Variants in HSPA12A observed in about 807,000 individuals in gnomAD.
HSPA12A encodes heat shock 70 kDa protein 12A.
In HSPA12A, 28 loss-of-function variants were observed where a neutral mutation model predicts 69.2. The ratio of observed to expected loss-of-function variants is 0.40; its 90% CI spans 0.30 to 0.55. The LOEUF is 0.55. Among genes scored for constraint, HSPA12A ranks in the 20% least tolerant of loss-of-function variants. The pLI, the probability that HSPA12A is intolerant of heterozygous loss-of-function variation, is 0.38. For missense variants in HSPA12A, 686 were observed against 900.7 expected (o/e 0.76, Z 3.05); for synonymous variants, 345 against 370.5 (o/e 0.93, Z 0.79).
intron 2 of HSPA12A, among the ~76,000 whole-genome samples, chr10:116,804,364 C>A (rs1845024634): frequency 6.6e-6 from 1 of 152,034 alleles, no homozygotes. Context: ...CACCAGGCTC[C>A]CCGATTTGAG....
upstream of HSPA12A, among the ~76,000 whole-genome samples, chr10:116,745,299 C>T (rs1211250795): frequency 6.6e-6 from 1 of 152,234 alleles, no homozygotes; most frequent in Non-Finnish European, 1.5e-5. Context: ...AGCACACAGA[C>T]ATTCTGCTGA....
At chr10:116,849,541 C>A (rs796658992) in intron 1 of HSPA12A, 2 of 1,495,570 alleles carry the variant, frequency 1.3e-6, no homozygotes, top group Admixed American at 4.5e-5. Context: ...CAGGCTAAAC[C>A]CCGCTGTAGC....
upstream of HSPA12A, chr10:116,849,744 G>C (rs766536006): frequency 6.7e-7 from 1 of 1,497,464 alleles, no homozygotes; most frequent in Non-Finnish European, 8.9e-7. Flanking sequence ...AGGGACCTGG[G>C]ACAAGCGCTC....
chr10:116,847,870 A>G (rs1845922206), intron 1 of HSPA12A, among the ~76,000 whole-genome samples: 1 of 152,188 alleles, frequency 6.6e-6, no homozygotes. Flanking sequence ...AAATGAATCA[A>G]GACATCCCTG....
At chr10:116,756,631 G>A (rs899430659) in intron 2 of HSPA12A, among the ~76,000 whole-genome samples, 1 of 152,222 alleles carries the variant, frequency 6.6e-6, no homozygotes, top group Non-Finnish European at 1.5e-5. Flanking sequence ...TCTGAATCTT[G>A]TGCTCCTTTG....
rs1313231861 is a variant in HSPA12A, at chr10:116,723,916, C to T, written c.41-16631G>A. Among the ~76,000 whole-genome samples the T allele has an allele frequency of 2.0e-5, 3 of 152,230 alleles. No homozygotes were observed. The highest frequency in any genetic ancestry group is 4.4e-5 in the Non-Finnish European group (3 of 68,044). On this transcript the variant is annotated intron_variant, in intron 1 of 11. Coordinates refer to ENST00000369209, the MANE Select transcript of HSPA12A (RefSeq NM_025015.3). This position sits in a 1 kb window ranked among gnomAD's most constrained non-coding sequence, Gnocchi z 4.1. ...CTGACCATACCCCAGTAGCTGAGGC[C>T]AGCGGGTCACCTGTACCCAGGCATA... is the stretch of plus-strand genomic sequence containing the variant.
chr10:116,788,985 G>C (rs1270349436), intron 2 of HSPA12A, among the ~76,000 whole-genome samples: 3 of 151,598 alleles, frequency 2.0e-5, no homozygotes, highest in Non-Finnish European at 4.4e-5. Context: ...CCCTGCCTCG[G>C]CCTCCTAGTA....
At chr10:116,825,236 G>A (rs530307808) in intron 2 of HSPA12A, among the ~76,000 whole-genome samples, 16 of 151,436 alleles carry the variant, frequency 1.1e-4, no homozygotes, top group Admixed American at 2.0e-4. Context: ...GTGGCCGGGC[G>A]TGGTGGCTTA....
intron 2 of HSPA12A, chr10:116,827,363 C>T (rs1052024409): frequency 2.0e-5 from 3 of 152,290 alleles, no homozygotes; most frequent in Non-Finnish European, 4.4e-5. Context: ...ATGGAGTTGT[C>T]CAGAGAGCTC....
chr10:116,835,651 A>C (rs1223646909), intron 1 of HSPA12A, among the ~76,000 whole-genome samples: 1 of 152,252 alleles, frequency 6.6e-6, no homozygotes, highest in Non-Finnish European at 1.5e-5. Flanking sequence ...GGGGAAAAGC[A>C]TATCTTGTTC....
chr10:116,778,333 C>T (rs1393607334), intron 2 of HSPA12A, among the ~76,000 whole-genome samples: 1 of 152,142 alleles, frequency 6.6e-6, no homozygotes, highest in Admixed American at 6.5e-5. Flanking sequence ...ACTGACTATT[C>T]CCCCCAAAAC....
chr10:116,847,173 A>G (rs1413031813), intron 1 of HSPA12A, among the ~76,000 whole-genome samples: 1 of 152,144 alleles, frequency 6.6e-6, no homozygotes, highest in East Asian at 1.9e-4. Context: ...CACTGATCCT[A>G]TTTCCGTTAA....
At chr10:116,698,169 T>A (rs1849971154) in intron 5 of HSPA12A, 1 of 153,446 alleles carries the variant, frequency 6.5e-6, no homozygotes. Flanking sequence ...AATGTTGCTA[T>A]GCACATTCAT....
In HSPA12A at chr10:116,742,458, C is replaced by T; in HGVS notation, c.12G>A (p.Lys4=). Reference sequence around the variant, plus strand: ...GGGGCCCGTCGCTGCCGCCGGCCTCCTTGTCCGCCATGGTCGCGCAGCCCC... The same window carrying T: ...GGGGCCCGTCGCTGCCGCCGGCCTCTTTGTCCGCCATGGTCGCGCAGCCCC... MAD[K]EAGGSDGPRE... is the part of the protein sequence containing the mutation. Residue 4 remains lysine, a synonymous_variant, in exon 1 of 12, where the codon AAG becomes AAA. Coordinates refer to ENST00000369209, the MANE Select transcript of HSPA12A (RefSeq NM_025015.3). The T allele has an allele frequency of 7.1e-7, 1 of 1,401,176 alleles. No individual in the cohort carries two copies. Among genetic ancestry groups the T allele is most frequent in the Non-Finnish European group, 9.3e-7 (1 of 1,075,500 alleles). 86.8% of individuals were successfully genotyped at this position (1,401,176 alleles called of 1,614,324 possible). A position where few individuals can be genotyped will look rare whatever the true frequency, so the allele number is the denominator to read the frequency against.
upstream of HSPA12A, chr10:116,849,995 C>T: frequency 1.5e-6 from 1 of 646,036 alleles, no homozygotes; most frequent in African/African-American, 1.8e-5. Flanking sequence ...CAGCGGCAGC[C>T]CAGGGGCTGG....
chr10:116,821,509 T>A (rs2133197972), intron 2 of HSPA12A, among the ~76,000 whole-genome samples: 1 of 152,344 alleles, frequency 6.6e-6, no homozygotes, highest in Non-Finnish European at 1.5e-5. Flanking sequence ...CCATCCAGCT[T>A]TATTTTTTCT....
chr10:116,779,327 G>A (rs1554891525), intron 2 of HSPA12A, among the ~76,000 whole-genome samples: 1 of 152,172 alleles, frequency 6.6e-6, no homozygotes, highest in African/African-American at 2.4e-5. Context: ...CACCTACTGA[G>A]GAGACCAGGG....
At position 116,686,104 on chromosome 10, in the gene HSPA12A, G is replaced by C. The variant is rs1335849297; in HGVS notation, c.664-2142C>G. Among the ~76,000 whole-genome samples the C allele has an allele frequency of 2.0e-5, 3 of 152,094 alleles. No homozygotes were observed. Among genetic ancestry groups the C allele is most frequent in the African/African-American group, 7.2e-5 (3 of 41,404 alleles). On this transcript the variant is annotated intron_variant, in intron 6 of 11. Transcript: ENST00000369209. This position sits in a 1 kb window ranked among gnomAD's most constrained non-coding sequence, Gnocchi z 4.1. ...TTCCCACTGCCCCCTATTCAAGCAA[G>C]TAAAAGTCCCCCCTCCCCAGCTTCA...
intron 2 of HSPA12A, among the ~76,000 whole-genome samples, chr10:116,764,948 G>A (rs569005831): frequency 6.6e-6 from 1 of 152,310 alleles, no homozygotes; most frequent in South Asian, 2.1e-4. Context: ...CAGGCTTGTT[G>A]GGGATAGAAG....
Sources: allele counts gnomAD v4.1 joint callset (sites outside exome capture counted in the v4.1 genomes callset), GRCh38; gene constraint gnomAD v4.1.1; non-coding constraint Gnocchi (gnomAD v3.1); transcripts MANE v1.5; gene names NCBI Gene and HGNC (gene_info 2026-07-23, HGNC 2026-07-21).